The following EDA variants were observed in gnomAD, a reference collection of about 807,000 sequenced individuals.
EDA encodes the protein ectodysplasin A.
Under a neutral mutation model 23.6 loss-of-function variants are expected in EDA, and 2 were observed. The observed-to-expected ratio is 0.08, with a 90% confidence interval of 0.03 to 0.27. The LOEUF is 0.27. Ranked by LOEUF, EDA falls within the 10% of genes least tolerant of loss-of-function variation. The probability of loss-of-function intolerance (pLI) is 1.00; values close to 1 mark genes in which losing one functional copy is unlikely to be tolerated. For missense variants in EDA, 229 were observed against 324.2 expected (o/e 0.71, Z 2.26); for synonymous variants, 131 against 132.0 (o/e 0.99, Z 0.05).
Position 69,816,425 on chromosome X carries a change from A to C in EDA, c.397-140602A>C, listed in dbSNP as rs147188616. On this transcript the variant is annotated intron_variant, in intron 1 of 7. Coordinates refer to ENST00000374552, the MANE Select transcript of EDA (RefSeq NM_001399.5). ...GAGCTAAAGGAGCATGCTATAACCC[A>C]ATGCAAAGAAGCTAAGAATCATGAA... is the stretch of plus-strand genomic sequence containing the variant. Among the ~76,000 whole-genome samples the C allele has an allele frequency of 4.6e-3, 516 of 111,574 alleles. 3 individuals carry two copies. The highest frequency in any genetic ancestry group is 0.016 in the African/African-American group (499 of 30,683).
intron 1 of EDA, among the ~76,000 whole-genome samples, chrX:69,700,752 C>T (rs1366358137): frequency 1.8e-5 from 2 of 110,683 alleles, no homozygotes; most frequent in African/African-American, 3.3e-5. Flanking sequence ...TCCCAAATAG[C>T]GGGGTTAACT....
At chrX:69,920,191 T>C (rs959667529) in intron 1 of EDA, among the ~76,000 whole-genome samples, 4 of 110,835 alleles carry the variant, frequency 3.6e-5, no homozygotes, top group Non-Finnish European at 5.7e-5. Flanking sequence ...AATATATTAA[T>C]GCAATATTTT....
intron 1 of EDA, among the ~76,000 whole-genome samples, chrX:69,671,508 C>T (rs1418905218): frequency 3.6e-5 from 4 of 111,601 alleles, no homozygotes; most frequent in African/African-American, 1.3e-4. Context: ...GCATGAATGA[C>T]TGCAGTTTTC....
intron 1 of EDA, among the ~76,000 whole-genome samples, chrX:69,934,287 T>C (rs1157465448): frequency 8.9e-6 from 1 of 112,441 alleles, no homozygotes; most frequent in African/African-American, 3.2e-5. Context: ...TTTTTTTCTT[T>C]GCCTTGGGAA....
chrX:69,910,026 G>A (rs1338210824), intron 1 of EDA, among the ~76,000 whole-genome samples: 2 of 111,611 alleles, frequency 1.8e-5, no homozygotes, highest in Non-Finnish European at 3.8e-5. Flanking sequence ...CAAGTGTTTG[G>A]CATTGTTGCA....
chrX:70,008,040 G>C (rs999446829), intron 2 of EDA, among the ~76,000 whole-genome samples: 1 of 111,857 alleles, frequency 8.9e-6, no homozygotes, highest in African/African-American at 3.2e-5. Context: ...TTTTCACATA[G>C]ACAATCATGT....
At chrX:69,697,506 G>A (rs900229593) in intron 1 of EDA, among the ~76,000 whole-genome samples, 1 of 111,761 alleles carries the variant, frequency 8.9e-6, no homozygotes, top group African/African-American at 3.3e-5. Flanking sequence ...GGGTGTTGTG[G>A]GCACCTTGGA....
chrX:69,679,091 T>G (rs1278275197), intron 1 of EDA, among the ~76,000 whole-genome samples: 1 of 107,809 alleles, frequency 9.3e-6, no homozygotes, highest in South Asian at 4.2e-4. Flanking sequence ...ATGTGGTTTT[T>G]GTCTTTGGTT....
At chrX:69,741,029 ATATAT>A (rs1476637146) in intron 1 of EDA, among the ~76,000 whole-genome samples, 7 of 109,005 alleles carry the variant, frequency 6.4e-5, no homozygotes. Context: ...TATATATGTA[ATATAT>A]TATATGCAAT....
At chrX:69,737,882 T>G (rs2013323211) in intron 1 of EDA, among the ~76,000 whole-genome samples, 1 of 110,749 alleles carries the variant, frequency 9.0e-6, no homozygotes, top group African/African-American at 3.3e-5. Context: ...TCACTTCAAA[T>G]ATGTCACTCC....
intron 1 of EDA, among the ~76,000 whole-genome samples, chrX:69,670,980 C>T (rs1374960827): frequency 9.0e-6 from 1 of 111,248 alleles, no homozygotes; most frequent in African/African-American, 3.3e-5. Flanking sequence ...TGCTTCCTTG[C>T]TTTTTCATGT....
chrX:69,694,577 AAGTACCAG>A (rs1385266045), intron 1 of EDA, among the ~76,000 whole-genome samples: 1 of 112,022 alleles, frequency 8.9e-6, no homozygotes, highest in Non-Finnish European at 1.9e-5. Flanking sequence ...TTGCTCAGGA[AAGTACCAG>A]AGTAAACAAC....
In EDA at chrX:69,629,251, T is replaced by C. The variant is rs1375642380; in HGVS notation, c.396+12547T>C. Among the ~76,000 whole-genome samples the C allele has an allele frequency of 7.1e-5, 8 of 111,914 alleles. No individual in the cohort carries two copies. In the Admixed American group the frequency reaches 7.6e-4, roughly 11 times the overall value. ...TTACCTGTTCCCCCGAAGAAGAATG[T>C]TCTTTCCTCCAACCTGTCTCTTGGA... On this transcript the variant is annotated intron_variant, in intron 1 of 7. Transcript: ENST00000374552.
At chrX:69,840,117 T>A (rs768464479) in intron 1 of EDA, among the ~76,000 whole-genome samples, 2 of 111,066 alleles carry the variant, frequency 1.8e-5, no homozygotes, top group Non-Finnish European at 1.9e-5. Flanking sequence ...CCAGCCACAC[T>A]GGCCTTTTTT....
chrX:69,778,636 G>T (rs1392937400), intron 1 of EDA, among the ~76,000 whole-genome samples: 1 of 111,482 alleles, frequency 9.0e-6, no homozygotes, highest in Non-Finnish European at 1.9e-5. Flanking sequence ...TGGCTGTTAA[G>T]TACAGTAATC....
intron 1 of EDA, among the ~76,000 whole-genome samples, chrX:69,786,790 G>A (rs1291159610): frequency 2.7e-5 from 3 of 111,406 alleles, no homozygotes; most frequent in African/African-American, 9.8e-5. Context: ...GGAGAGTTCT[G>A]TAGATGTCTA....
intron 2 of EDA, among the ~76,000 whole-genome samples, chrX:70,010,708 A>G (rs2019862971): frequency 1.8e-5 from 2 of 111,970 alleles, no homozygotes; most frequent in South Asian, 7.6e-4. Context: ...ATAAAGAAAA[A>G]AGGTTTAATG....
chrX:69,651,254 T>C (rs1231639649), intron 1 of EDA, among the ~76,000 whole-genome samples: 1 of 111,735 alleles, frequency 8.9e-6, no homozygotes, highest in Non-Finnish European at 1.9e-5. Context: ...AGTGCAGATG[T>C]AGATTTTTGA....
chrX:69,788,966 C>T (rs756413646), intron 1 of EDA, among the ~76,000 whole-genome samples: 1 of 111,926 alleles, frequency 8.9e-6, no homozygotes, highest in East Asian at 2.8e-4. Flanking sequence ...TAGGACCCTC[C>T]GAGCCAGGTG....
Sources: allele counts gnomAD v4.1 joint callset (sites outside exome capture counted in the v4.1 genomes callset), GRCh38; gene constraint gnomAD v4.1.1; transcripts MANE v1.5; gene names NCBI Gene and HGNC (gene_info 2026-07-23, HGNC 2026-07-21).